Variants in ENOX2 observed in about 807,000 individuals in gnomAD.
ENOX2 encodes the protein APK1 antigen.
ENOX2 carries 36 observed loss-of-function variants against 45.0 expected under a neutral mutation model. The ratio of observed to expected loss-of-function variants is 0.80; its 90% CI spans 0.61 to 1.06. The LOEUF (loss-of-function observed/expected upper bound fraction) is 1.06, where lower values mean the gene tolerates loss of function less well. Among genes scored for constraint, ENOX2 ranks in the 50% least tolerant of loss-of-function variants. The pLI, the probability that ENOX2 is intolerant of heterozygous loss-of-function variation, is 0.00. For synonymous variants in ENOX2, 174 were observed against 152.3 expected (o/e 1.14, Z -1.05); for missense variants, 423 against 462.5 (o/e 0.91, Z 0.78).
intron 2 of ENOX2, among the ~76,000 whole-genome samples, chrX:130,862,706 T>G (rs2078428261): frequency 9.0e-6 from 1 of 111,331 alleles, no homozygotes; most frequent in Admixed American, 9.6e-5. Flanking sequence ...ACTTAGCACA[T>G]AGTAGGCACT....
chrX:130,679,617 G>A lies in ENOX2; in HGVS notation c.385C>T (p.Arg129Cys), dbSNP rs150411520. ...FEQCGEIIAI[R>C]KSKKNFCHIR... ...TGGCAGAAGTTCTTCTTGCTCTTGC[G>A]AATGGCAATGATCTCTCCACACTGC... Residue 129 changes from arginine to cysteine, a missense_variant, in exon 6 of 15, where the codon CGC becomes TGC. Around this residue, in one of 5 missense-constraint regions of ENOX2, gnomAD observed 261 missense variants for 306.8 expected, o/e 0.85. Coordinates refer to ENST00000394363, the MANE Select transcript of ENOX2 (RefSeq NM_006375.4). 5 of 1,208,650 alleles carry A rather than the reference G, an allele frequency of 4.1e-6. No homozygotes were observed. The highest frequency in any genetic ancestry group is 3.5e-5 in the African/African-American group (2 of 57,030).
At chrX:130,862,534 C>T (rs1335977722) in intron 2 of ENOX2, among the ~76,000 whole-genome samples, 1 of 109,986 alleles carries the variant, frequency 9.1e-6, no homozygotes, top group Non-Finnish European at 1.9e-5. Context: ...CACTTATCAC[C>T]TTCCAGCTAT....
intron 4 of ENOX2, among the ~76,000 whole-genome samples, chrX:130,695,387 T>C (rs766185034): frequency 8.9e-6 from 1 of 111,778 alleles, no homozygotes; most frequent in African/African-American, 3.3e-5. Context: ...TGACACACAT[T>C]GACTATCTTG....
chrX:130,756,208 T>A (rs1412080302), intron 3 of ENOX2, among the ~76,000 whole-genome samples: 1 of 112,280 alleles, frequency 8.9e-6, no homozygotes. Context: ...TATCAGACAG[T>A]TGGCGTAGGT....
At chrX:130,783,746 C>T in intron 2 of ENOX2, 56 bp from the exon 3 acceptor site, 1 of 237,157 alleles carries the variant, frequency 4.2e-6, no homozygotes, top group Non-Finnish European at 7.8e-6. Flanking sequence ...GGGATTGTCT[C>T]CAGATTTTAT....
At chrX:130,630,990 A>G (rs976537608) in intron 13 of ENOX2, among the ~76,000 whole-genome samples, 4 of 110,210 alleles carry the variant, frequency 3.6e-5, no homozygotes, top group African/African-American at 1.3e-4. Flanking sequence ...CAAACAAACA[A>G]ACAAACAATC....
At chrX:130,685,508 C>A (rs923729909) in intron 5 of ENOX2, among the ~76,000 whole-genome samples, 4 of 111,762 alleles carry the variant, frequency 3.6e-5, no homozygotes, top group Non-Finnish European at 7.5e-5. Context: ...TGAATCATGG[C>A]AGATACAAAC....
intron 3 of ENOX2, among the ~76,000 whole-genome samples, chrX:130,706,040 G>C (rs193234940): frequency 8.9e-6 from 1 of 111,890 alleles, no homozygotes; most frequent in African/African-American, 3.3e-5. Flanking sequence ...CACCTCATTG[G>C]AATTAATTAC....
intron 3 of ENOX2, among the ~76,000 whole-genome samples, chrX:130,713,786 C>T (rs760812231): frequency 9.0e-6 from 1 of 111,358 alleles, no homozygotes; most frequent in South Asian, 3.9e-4. Context: ...GCACTAATTG[C>T]CTGTTAAGTC....
intron 3 of ENOX2, among the ~76,000 whole-genome samples, chrX:130,733,350 CTT>C (rs34420863): frequency 8.0e-5 from 8 of 99,824 alleles, no homozygotes; most frequent in South Asian, 8.8e-4. Context: ...GTTAGAATGG[CTT>C]TTTTTTTTTT....
intron 4 of ENOX2, among the ~76,000 whole-genome samples, chrX:130,692,954 G>A (rs1050926314): frequency 9.0e-6 from 1 of 111,273 alleles, no homozygotes; most frequent in Non-Finnish European, 1.9e-5. Context: ...TGCAAATGCT[G>A]TCTGTTAGCT....
intron 3 of ENOX2, among the ~76,000 whole-genome samples, chrX:130,761,819 C>A (rs1011220238): frequency 1.2e-4 from 13 of 111,274 alleles, no homozygotes; most frequent in Non-Finnish European, 2.1e-4. Flanking sequence ...CCAATCACCT[C>A]CCACCAGGCC....
At chrX:130,769,004 G>T (rs2039679001) in intron 3 of ENOX2, among the ~76,000 whole-genome samples, 1 of 111,193 alleles carries the variant, frequency 9.0e-6, no homozygotes, top group Admixed American at 9.6e-5. Flanking sequence ...GTTTTAAATT[G>T]CACACAAAGG....
intron 6 of ENOX2, among the ~76,000 whole-genome samples, chrX:130,674,365 G>GAA (rs759888177): frequency 4.5e-5 from 4 of 89,249 alleles, no homozygotes; most frequent in Non-Finnish European, 9.1e-5. Context: ...AAAAAAGACT[G>GAA]AAAAAAAAAA....
chrX:130,785,619 G>T (rs898779002), intron 2 of ENOX2, among the ~76,000 whole-genome samples: 1 of 111,581 alleles, frequency 9.0e-6, no homozygotes, highest in African/African-American at 3.3e-5. Context: ...AACATCAATT[G>T]CTATGTACTA....
intron 2 of ENOX2, among the ~76,000 whole-genome samples, chrX:130,810,770 C>T (rs891140432): frequency 4.5e-5 from 5 of 112,278 alleles, no homozygotes; most frequent in African/African-American, 1.3e-4. Context: ...CCCCAACAGA[C>T]GAAGGGTCCA....
chrX:130,696,250 C>T (rs1164581179), intron 4 of ENOX2, among the ~76,000 whole-genome samples: 2 of 111,899 alleles, frequency 1.8e-5, no homozygotes, highest in African/African-American at 6.5e-5. Flanking sequence ...AAATCTCCCT[C>T]TGTAGCCCAT....
At chrX:130,817,145 C>T (rs760081019) in intron 2 of ENOX2, among the ~76,000 whole-genome samples, 5 of 111,910 alleles carry the variant, frequency 4.5e-5, no homozygotes, top group East Asian at 2.8e-4. Context: ...AACACCTCTA[C>T]GTAAATAAAT....
intron 2 of ENOX2, among the ~76,000 whole-genome samples, chrX:130,884,035 G>A (rs2078864629): frequency 8.9e-6 from 1 of 111,855 alleles, no homozygotes; most frequent in Admixed American, 9.4e-5. Context: ...TAGGACATTT[G>A]CCACCTGAAA....
Sources: gnomAD v4.1 joint callset for allele counts (sites outside exome capture counted in the v4.1 genomes callset) on GRCh38, gnomAD v4.1.1 for gene constraint, gnomAD v4.1.1 regional missense constraint, MANE v1.5 for transcripts, NCBI Gene and HGNC (gene_info 2026-07-23, HGNC 2026-07-21) for gene names.